NIBAN2: variants seen among roughly 807,000 people sequenced by gnomAD.
NIBAN2 encodes protein Niban 2.
Under a neutral mutation model 81.8 loss-of-function variants are expected in NIBAN2, and 36 were observed. The ratio of observed to expected loss-of-function variants is 0.44; its 90% CI spans 0.34 to 0.58. NIBAN2 has a LOEUF of 0.58. Ranked by LOEUF, NIBAN2 falls within the 20% of genes least tolerant of loss-of-function variation. The pLI, the probability that NIBAN2 is intolerant of heterozygous loss-of-function variation, is 0.02. For missense variants in NIBAN2, 897 were observed against 1,014.1 expected (o/e 0.88, Z 1.57); for synonymous variants, 445 against 441.6 (o/e 1.01, Z -0.10).
In NIBAN2 at chr9:127,545,818, GT is replaced by G. The variant is rs1392081031; in HGVS notation, c.56-14041del. The stretch of plus-strand genomic sequence containing the variant: ...CCTCGAGGCCGCCTGGTGGGAGGAA[GT>G]CCATTCCCATCTTGACACAAACAGA... On this transcript the variant is annotated intron_variant, in intron 1 of 13. Coordinates refer to ENST00000373312, the MANE Select transcript of NIBAN2 (RefSeq NM_022833.4). This position sits in a 1 kb window ranked among gnomAD's most constrained non-coding sequence, Gnocchi z 4.7. Among the ~76,000 whole-genome samples the G allele has an allele frequency of 6.6e-6, 1 of 152,180 alleles. No homozygotes were observed. The highest frequency in any genetic ancestry group is 1.5e-5 in the Non-Finnish European group (1 of 68,024).
At chr9:127,509,521 T>G (rs576380475) in intron 9 of NIBAN2, among the ~76,000 whole-genome samples, 1 of 152,214 alleles carries the variant, frequency 6.6e-6, no homozygotes, top group East Asian at 1.9e-4. Flanking sequence ...GATTCTGGGA[T>G]TATTATGGTC....
chr9:127,529,819 C>A (rs1837145452), intron 2 of NIBAN2, among the ~76,000 whole-genome samples: 1 of 152,116 alleles, frequency 6.6e-6, no homozygotes. Context: ...GTTATCATAA[C>A]TTTGCATTGT....
chr9:127,539,631 G>A (rs1357018827), intron 1 of NIBAN2, among the ~76,000 whole-genome samples: 2 of 152,164 alleles, frequency 1.3e-5, no homozygotes, highest in African/African-American at 4.8e-5. Context: ...CAGCTCAGCT[G>A]ACCGAAAATC....
chr9:127,509,263 T>C (rs905746794), intron 9 of NIBAN2, 132 bp from the exon 10 acceptor site: 6 of 826,548 alleles, frequency 7.3e-6, no homozygotes, highest in Non-Finnish European at 1.1e-5. Flanking sequence ...GGCCACCTGG[T>C]GCTCATGGCC....
chr9:127,525,104 G>A lies in NIBAN2; in HGVS notation c.375C>T (p.Leu125=). ...AVINSAGYKI[L]TSVDQYLELI... Reference sequence around the variant, plus strand: ...GCTCCAGGTATTGGTCCACGGACGTGAGGATTTTGTAGCCTGCACTGTTGA... The same window carrying A: ...GCTCCAGGTATTGGTCCACGGACGTAAGGATTTTGTAGCCTGCACTGTTGA... The change falls in exon 4 of 14, where the codon CTC becomes CTT. Residue 125 remains leucine (L), a synonymous_variant. Transcript: ENST00000373312. The A allele has an allele frequency of 1.9e-6, 3 of 1,614,218 alleles. No homozygotes were observed. Among genetic ancestry groups the A allele is most frequent in the Non-Finnish European group, 2.5e-6 (3 of 1,180,024 alleles).
Position 127,523,694 on chromosome 9 carries a change from G to A in NIBAN2, c.574C>T (p.Arg192Trp), listed in dbSNP as rs773593282. ...KWQAVLQDCI[R>W]HCNNGIPEDS... The stretch of plus-strand genomic sequence containing the variant: ...GGCCACTCACCATTGTTGCAGTGCC[G>A]GATGCAGTCCTGCAGCACAGCCTGC... The change falls in exon 5 of 14, where the codon CGG becomes TGG. Residue 192 changes from arginine (R) to tryptophan (W), a missense_variant. Coordinates refer to ENST00000373312, the MANE Select transcript of NIBAN2 (RefSeq NM_022833.4). The A allele has an allele frequency of 1.6e-5, 25 of 1,611,696 alleles. No homozygotes were observed. Among genetic ancestry groups the A allele is most frequent in the African/African-American group, 9.3e-5 (7 of 74,892 alleles).
At chr9:127,573,894 G>A (rs1481596144), upstream of NIBAN2, among the ~76,000 whole-genome samples, 4 of 152,184 alleles carry the variant, frequency 2.6e-5, no homozygotes, top group African/African-American at 9.7e-5. Flanking sequence ...CTGACCACAA[G>A]TGATCTGCCT....
intron 1 of NIBAN2, among the ~76,000 whole-genome samples, chr9:127,566,998 G>GGCCC (rs1280446721): frequency 1.3e-5 from 2 of 151,892 alleles, no homozygotes; most frequent in African/African-American, 4.8e-5. Flanking sequence ...AGAAGAGAGA[G>GGCCC]ACCAGCAGGC....
upstream of NIBAN2, chr9:127,569,104 C>A (rs564783145): frequency 3.1e-3 from 3,114 of 1,018,876 alleles, 43 homozygotes; most frequent in East Asian, 0.055. Context: ...CCCTGCACCC[C>A]GGCGCCCCGC....
rs376947080 is a variant in NIBAN2, at chr9:127,577,710, T to TTTTGTTTGTTTGTTTGTTTGTTTGTTTG, written c.16+1211_16+1212insCAAACAAACAAACAAACAAACAAACAAA. Among the ~76,000 whole-genome samples, 69 of 151,974 alleles carry TTTTGTTTGTTTGTTTGTTTGTTTGTTTG rather than the reference T, an allele frequency of 4.5e-4. 1 individual carries two copies. Among genetic ancestry groups the TTTTGTTTGTTTGTTTGTTTGTTTGTTTG allele is most frequent in the African/African-American group, 1.6e-3 (68 of 41,302 alleles). ...CAAAATGGGCTTCTCTGCTATATCT[T>TTTTGTTTGTTTGTTTGTTTGTTTGTTTG]TTTGTTTGTTTGTTTGTTTCAGGGA... On this transcript the variant is annotated intron_variant, in intron 1 of 13. Coordinates refer to the NIBAN2 transcript ENST00000373314.
intron 5 of NIBAN2, among the ~76,000 whole-genome samples, chr9:127,521,544 TCCCCCCAC>T (rs1836941709): frequency 6.6e-6 from 1 of 151,402 alleles, no homozygotes; most frequent in African/African-American, 2.4e-5. Flanking sequence ...TTGGCCTCCT[TCCCCCCAC>T]CCCCCACTTC....
Position 127,536,476 on chromosome 9 carries a change from C to T in NIBAN2, c.56-4698G>A, listed in dbSNP as rs1837280729. Among the ~76,000 whole-genome samples, 1 of 152,228 alleles carries T rather than the reference C, an allele frequency of 6.6e-6. No homozygotes were observed. Among genetic ancestry groups the T allele is most frequent in the East Asian group, 1.9e-4 (1 of 5,196 alleles). On this transcript the variant is annotated intron_variant, in intron 1 of 13. Coordinates refer to ENST00000373312, the MANE Select transcript of NIBAN2 (RefSeq NM_022833.4). This position sits in a 1 kb window ranked among gnomAD's most constrained non-coding sequence, Gnocchi z 4.0. ...TTCTTGCTCCCTGCAGTGGCTCTCC[C>T]CCGGCATTGTTGCTTCAGGATTTTA...
chr9:127,537,292 C>G (rs552742566), intron 1 of NIBAN2, among the ~76,000 whole-genome samples: 2 of 152,308 alleles, frequency 1.3e-5, no homozygotes, highest in Admixed American at 1.3e-4. Context: ...TCTGCAGGAC[C>G]GGATAGCGTT....
intron 1 of NIBAN2, among the ~76,000 whole-genome samples, chr9:127,543,916 A>G (rs1211123170): frequency 2.6e-5 from 4 of 152,236 alleles, no homozygotes; most frequent in Non-Finnish European, 4.4e-5. Context: ...ATATATGCTA[A>G]AAATTATAGT....
chr9:127,507,981 G>T lies in NIBAN2; in HGVS notation c.1543-3C>A, dbSNP rs199700640. On this transcript the variant is annotated splice_region_variant and splice_polypyrimidine_tract_variant and intron_variant, in intron 12 of 13. Transcript: ENST00000373312. The surrounding 1 kb of genome is among the most constrained non-coding windows in gnomAD (Gnocchi z 6.8). ...AGCTCCTGGAACCGGGGCAGCTCCT[G>T]CCCGGGTGGGGCGGCAGAGATGAGA... is the stretch of plus-strand genomic sequence containing the variant. 2 of 1,613,926 alleles carry T rather than the reference G, an allele frequency of 1.2e-6. No individual in the cohort carries two copies. Among genetic ancestry groups the T allele is most frequent in the East Asian group, 2.2e-5 (1 of 44,898 alleles).
At chr9:127,522,020 G>C (rs1001080280) in intron 5 of NIBAN2, among the ~76,000 whole-genome samples, 1 of 152,220 alleles carries the variant, frequency 6.6e-6, no homozygotes, top group African/African-American at 2.4e-5. Flanking sequence ...ACCCTGCCAG[G>C]CCAGGTCAGC....
chr9:127,528,364 T>G (rs1337134693), intron 2 of NIBAN2, among the ~76,000 whole-genome samples: 1 of 152,230 alleles, frequency 6.6e-6, no homozygotes, highest in African/African-American at 2.4e-5. Context: ...GAGAGTACAG[T>G]GTTCCTCTGC....
In NIBAN2 at chr9:127,508,461, C is replaced by T. The variant is rs1836659210; in HGVS notation, c.1395G>A (p.Leu465=). 2 of 1,613,556 alleles carry T rather than the reference C, an allele frequency of 1.2e-6. No individual in the cohort carries two copies. Among genetic ancestry groups the T allele is most frequent in the Non-Finnish European group, 1.7e-6 (2 of 1,180,016 alleles). ...CCAGGACCCGCTGGATGGACTTGCA[C>T]AGCTCCTCCTTGGTGGGCCCCTTCC... ...ELGKGPTKEE[L]CKSIQRVLER... is the part of the protein sequence containing the mutation. Residue 465 remains leucine (L), a synonymous_variant, in exon 11 of 14, where the codon CTG becomes CTA. Coordinates refer to ENST00000373312, the MANE Select transcript of NIBAN2 (RefSeq NM_022833.4). This position sits in a 1 kb window ranked among gnomAD's most constrained non-coding sequence, Gnocchi z 6.4.
Position 127,510,167 on chromosome 9 carries a change from G to A in NIBAN2, c.1140C>T (p.Gly380=), listed in dbSNP as rs372647854. 50 of 1,612,336 alleles carry A rather than the reference G, an allele frequency of 3.1e-5. No homozygotes were observed. Among genetic ancestry groups the A allele is most frequent in the African/African-American group, 4.0e-5 (3 of 74,894 alleles). ...TCACCTCGCCCAGCTTGTCAATGCC[G>A]CCCTCGTTGATGACGTTCAGGTTCA... ...TDMNLNVINE[G]GIDKLGEYME... is the part of the protein sequence containing the mutation. The change falls in exon 9 of 14, where the codon GGC becomes GGT. Residue 380 remains glycine (G), a synonymous_variant. Transcript: ENST00000373312.
Sources: allele counts gnomAD v4.1 joint callset (sites outside exome capture counted in the v4.1 genomes callset), GRCh38; gene constraint gnomAD v4.1.1; non-coding constraint Gnocchi (gnomAD v3.1); transcripts MANE v1.5; gene names NCBI Gene and HGNC (gene_info 2026-07-23, HGNC 2026-07-21).